ATP6V1G3: variants seen among roughly 807,000 people sequenced by gnomAD.
ATP6V1G3 encodes V-type proton ATPase subunit G 3.
In ATP6V1G3, 9 loss-of-function variants were observed where a neutral mutation model predicts 9.3. That is an observed-to-expected ratio of 0.97 (90% confidence interval 0.59 to 1.69). The LOEUF is 1.69. Ranked by LOEUF, ATP6V1G3 falls within the 40% of genes most tolerant of loss-of-function variation. ATP6V1G3 has a pLI of 0.00. For synonymous variants in ATP6V1G3, 43 were observed against 43.8 expected (o/e 0.98, Z 0.07); for missense variants, 133 against 139.0 (o/e 0.96, Z 0.22).
intron 1 of ATP6V1G3, among the ~76,000 whole-genome samples, chr1:198,530,864 G>A (rs147519573): frequency 7.7e-4 from 117 of 152,108 alleles, no homozygotes; most frequent in African/African-American, 2.7e-3. Flanking sequence ...GAATGTTAAT[G>A]TATTGATTTT....
At chr1:198,539,797 AC>A (rs1186444864) in intron 1 of ATP6V1G3, among the ~76,000 whole-genome samples, 5 of 152,122 alleles carry the variant, frequency 3.3e-5, no homozygotes. Context: ...CAAATCAGTG[AC>A]TCCATTTCTG....
chr1:198,531,820 C>T (rs1571717039), intron 1 of ATP6V1G3, among the ~76,000 whole-genome samples: 1 of 151,918 alleles, frequency 6.6e-6, no homozygotes, highest in Admixed American at 6.6e-5. Context: ...ATCTATAAGA[C>T]AGATTTAATA....
At chr1:198,540,431 T>C in intron 1 of ATP6V1G3, 138 bp downstream of exon 1, 1 of 778,802 alleles carries the variant, frequency 1.3e-6, no homozygotes, top group Non-Finnish European at 2.2e-6. Context: ...GTAATTTTAA[T>C]GAATGGGTGA....
chr1:198,540,540 G>A lies in ATP6V1G3; in HGVS notation c.82+29C>T, dbSNP rs192402258. On this transcript the variant is annotated intron_variant, in intron 1 of 2. Coordinates refer to ENST00000367382, the MANE Select transcript of ATP6V1G3 (RefSeq NM_001376861.1). ...TGCATTCCACTGCTTTGTTTATTTCGTGACAGACCCCTCACAGGTGAGACT... is the reference window on the plus strand; with the variant it reads ...TGCATTCCACTGCTTTGTTTATTTCATGACAGACCCCTCACAGGTGAGACT... 2.5e-4 allele frequency: 392 copies of A among 1,598,716 alleles called. No homozygotes were observed. In the African/African-American group the frequency reaches 4.4e-3, roughly 18 times the overall value.
intron 1 of ATP6V1G3, among the ~76,000 whole-genome samples, chr1:198,534,512 C>T (rs1660029957): frequency 1.3e-5 from 2 of 152,132 alleles, no homozygotes; most frequent in Admixed American, 1.3e-4. Flanking sequence ...CTGTTTAAAG[C>T]CACCTAGTAT....
At chr1:198,525,639 T>C (rs1281279494) in intron 2 of ATP6V1G3, among the ~76,000 whole-genome samples, 1 of 152,152 alleles carries the variant, frequency 6.6e-6, no homozygotes, top group African/African-American at 2.4e-5. Flanking sequence ...TTTAATCTAA[T>C]AATATTCATA....
intron 1 of ATP6V1G3, among the ~76,000 whole-genome samples, chr1:198,538,891 C>CAAAAAAAAAAAAAAAAAAA (rs71569596): frequency 1.5e-4 from 15 of 97,310 alleles, no homozygotes; most frequent in African/African-American, 5.3e-4. Flanking sequence ...GACCCTGTCT[C>CAAAAAAAAAAAAAAAAAAA]AAAAAAAAAA....
intron 2 of ATP6V1G3, among the ~76,000 whole-genome samples, chr1:198,527,838 A>G (rs1227035641): frequency 6.6e-6 from 1 of 152,202 alleles, no homozygotes; most frequent in African/African-American, 2.4e-5. Flanking sequence ...ATGAGGAAAA[A>G]GAGTGGACTA....
Position 198,536,844 on chromosome 1 carries a change from C to G in ATP6V1G3, c.82+3725G>C, listed in dbSNP as rs190067472. The G allele has an allele frequency of 1.8e-4, 143 of 795,108 alleles. No homozygotes were observed. In the East Asian group the frequency reaches 3.7e-3, roughly 21 times the overall value. The allele number at this position is 795,108 out of a possible 1,614,324, so 49.3% of individuals were successfully genotyped here. A position where few individuals can be genotyped will look rare whatever the true frequency, so the allele number is the denominator to read the frequency against. ...ACATATATTAAAAATAAAAATAACTCTAGTGTGTATTTTGCTTTACTATCT... is the reference window on the plus strand; with the variant it reads ...ACATATATTAAAAATAAAAATAACTGTAGTGTGTATTTTGCTTTACTATCT... On this transcript the variant is annotated intron_variant, in intron 1 of 2. Coordinates refer to ENST00000367382, the MANE Select transcript of ATP6V1G3 (RefSeq NM_001376861.1).
At position 198,529,101 on chromosome 1, in the gene ATP6V1G3, ACT is replaced by A; in HGVS notation, c.161_162del (p.Glu54ValfsTer7). ...IDQYRMQRDKEFRLKQSKIMG... is the reference protein window; with the variant it reads ...IDQYRMQRDKXFRLKQSKIMG... ...CTCACCTTAGATTGTTTTAGTCGAA[ACT>A]CTTTATCTCTCTGCATTCTGTACTG... On this transcript the variant is annotated frameshift_variant, in exon 2 of 3. Transcript: ENST00000367382. LOFTEE classifies it low-confidence loss of function (END_TRUNC). 6.5e-7 allele frequency: 1 copy of A among 1,533,194 alleles called. No homozygotes were observed. The highest frequency in any genetic ancestry group is 1.2e-5 in the South Asian group (1 of 83,732). The allele number at this position is 1,533,194 out of a possible 1,614,324, so 95.0% of individuals were successfully genotyped here. A position where few individuals can be genotyped will look rare whatever the true frequency, so the allele number is the denominator to read the frequency against.
intron 1 of ATP6V1G3, among the ~76,000 whole-genome samples, chr1:198,532,928 G>T (rs75487048): frequency 8.9e-4 from 135 of 152,248 alleles, no homozygotes; most frequent in African/African-American, 3.2e-3. Context: ...ATCTCACAGG[G>T]CACGGTAAGA....
At chr1:198,539,613 T>C (rs1347328220) in intron 1 of ATP6V1G3, among the ~76,000 whole-genome samples, 1 of 152,198 alleles carries the variant, frequency 6.6e-6, no homozygotes, top group East Asian at 1.9e-4. Context: ...GCTTGGAAAT[T>C]ATAGCTCATC....
At chr1:198,538,844 C>G (rs1000435028) in intron 1 of ATP6V1G3, among the ~76,000 whole-genome samples, 2 of 144,104 alleles carry the variant, frequency 1.4e-5, no homozygotes, top group African/African-American at 5.4e-5. Flanking sequence ...TGGCAAGGAG[C>G]CCAGATCATC....
At chr1:198,535,741 T>C (rs1034768199) in intron 1 of ATP6V1G3, among the ~76,000 whole-genome samples, 1 of 152,102 alleles carries the variant, frequency 6.6e-6, no homozygotes, top group Non-Finnish European at 1.5e-5. Flanking sequence ...GTACTGTTAG[T>C]ATCTCCATTT....
At chr1:198,536,568 C>A in intron 1 of ATP6V1G3, 2 of 890,226 alleles carry the variant, frequency 2.2e-6, no homozygotes, top group South Asian at 2.3e-5. Context: ...TAAATTCAAC[C>A]AAAATAGTAA....
chr1:198,525,071 A>T (rs746442877), intron 2 of ATP6V1G3, among the ~76,000 whole-genome samples: 2 of 152,192 alleles, frequency 1.3e-5, no homozygotes, highest in Non-Finnish European at 2.9e-5. Flanking sequence ...TAAGACATCA[A>T]ATAACTTTTG....
At position 198,529,160 on chromosome 1, in the gene ATP6V1G3, T is replaced by A; in HGVS notation, c.104A>T (p.Gln35Leu). Residue 35 changes from glutamine (Q) to leucine (L), a missense_variant, in exon 2 of 3, where the codon CAA (glutamine) becomes CTA (leucine). Physicochemically the swap from Gln to Leu is moderately radical, Grantham distance 113 (BLOSUM62 -2). Coordinates refer to ENST00000367382, the MANE Select transcript of ATP6V1G3 (RefSeq NM_001376861.1). ...TTCTACCATTGCTTCCTCCTTGGCT[T>A]GCTTCAATCGCTTTCCTTTTCCTGA... ...AKKRKGKRLK[Q>L]AKEEAMVEID... 1 of 1,412,494 alleles carries A rather than the reference T, an allele frequency of 7.1e-7. No homozygotes were observed. Among genetic ancestry groups the A allele is most frequent in the Non-Finnish European group, 9.3e-7 (1 of 1,072,366 alleles). 87.5% of individuals were successfully genotyped at this position (1,412,494 alleles called of 1,614,324 possible).
intron 2 of ATP6V1G3, among the ~76,000 whole-genome samples, chr1:198,527,475 T>G (rs1456713780): frequency 2.0e-5 from 3 of 152,146 alleles, no homozygotes; most frequent in African/African-American, 7.2e-5. Context: ...CACAAGCACT[T>G]TCTGAAATTG....
chr1:198,536,663 T>C lies in ATP6V1G3; in HGVS notation c.82+3906A>G, dbSNP rs573744429. 11 of 1,582,040 alleles carry C rather than the reference T, an allele frequency of 7.0e-6. No homozygotes were observed. The East Asian group carries it at 2.5e-4, about 35-fold the overall frequency. ...GTGAATACAGGAAAGTATCTGAACA[T>C]TTCTAGTCATCTTACCAGAAGCAGT... On this transcript the variant is annotated intron_variant, in intron 1 of 2. Transcript: ENST00000367382.
Sources: allele counts gnomAD v4.1 joint callset (sites outside exome capture counted in the v4.1 genomes callset), GRCh38; gene constraint gnomAD v4.1.1; transcripts MANE v1.5; gene names NCBI Gene and HGNC (gene_info 2026-07-23, HGNC 2026-07-21).